KAZN: variants seen among roughly 807,000 people sequenced by gnomAD.
The protein encoded by KAZN is kazrin.
In KAZN, 40 loss-of-function variants were observed where a neutral mutation model predicts 87.4. The ratio of observed to expected loss-of-function variants is 0.46; its 90% CI spans 0.36 to 0.60. The LOEUF (loss-of-function observed/expected upper bound fraction) is 0.60, where lower values mean the gene tolerates loss of function less well. KAZN is among the 20% of genes least tolerant of loss of function. The pLI is 0.00. For synonymous variants in KAZN, 466 were observed against 458.3 expected (o/e 1.02, Z -0.22); for missense variants, 898 against 1,073.9 (o/e 0.84, Z 2.29).
intron 2 of KAZN, among the ~76,000 whole-genome samples, chr1:14,430,442 C>T (rs1241867775): frequency 6.6e-6 from 1 of 152,148 alleles, no homozygotes; most frequent in Non-Finnish European, 1.5e-5. Flanking sequence ...AAGGGTCTGG[C>T]TTTCAGGGTC....
chr1:15,030,329 G>A (rs1047326616), intron 2 of KAZN, among the ~76,000 whole-genome samples: 2 of 152,140 alleles, frequency 1.3e-5, no homozygotes, highest in African/African-American at 4.8e-5. Context: ...GTACAGTGGT[G>A]CAATCTCGGC....
rs187921006 is a variant in KAZN, at chr1:14,309,361, T to G, written c.249+128769T>G. ...CACACAGGATGCTGTTGGGGAATTG[T>G]AGGTAAATGAGATATGGATATTTTT... On this transcript the variant is annotated intron_variant, in intron 2 of 16. Transcript: ENST00000636203. Among the ~76,000 whole-genome samples the G allele has an allele frequency of 3.0e-3, 464 of 152,282 alleles. 3 individuals are homozygous for G. Among genetic ancestry groups the G allele is most frequent in the African/African-American group, 9.8e-3 (408 of 41,556 alleles).
At chr1:14,320,805 G>T (rs1655994604) in intron 2 of KAZN, among the ~76,000 whole-genome samples, 1 of 152,156 alleles carries the variant, frequency 6.6e-6, no homozygotes, top group Non-Finnish European at 1.5e-5. Context: ...ACAAAGTCAT[G>T]CTGATATCAA....
At chr1:15,110,405 GTATT>G (rs1641522255) in intron 13 of KAZN, among the ~76,000 whole-genome samples, 3 of 135,988 alleles carry the variant, frequency 2.2e-5, no homozygotes, top group South Asian at 2.4e-4. Context: ...GTGTGTCTGT[GTATT>G]TGTGTGTGCG....
chr1:14,109,305 A>G (rs1408303849), intron 1 of KAZN, among the ~76,000 whole-genome samples: 1 of 152,194 alleles, frequency 6.6e-6, no homozygotes, highest in Admixed American at 6.5e-5. Flanking sequence ...AGTATTGGCA[A>G]TGATCCATTT....
intron 2 of KAZN, among the ~76,000 whole-genome samples, chr1:15,031,937 A>C (rs1175879240): frequency 6.6e-6 from 1 of 152,082 alleles, no homozygotes; most frequent in Non-Finnish European, 1.5e-5. Flanking sequence ...TAACAGCTTT[A>C]TTGACATGTA....
Position 14,820,052 on chromosome 1 carries a change from T to C in KAZN, c.227-140632T>C, listed in dbSNP as rs1646694006. On this transcript the variant is annotated intron_variant, in intron 1 of 14. Coordinates refer to ENST00000376030, the MANE Select transcript of KAZN (RefSeq NM_201628.3). This position sits in a 1 kb window ranked among gnomAD's most constrained non-coding sequence, Gnocchi z 4.1. ...TATATATATAGTCCACCCTCACCTC[T>C]ATCTAATCTAGTGGTTCTCCAACTT... Among the ~76,000 whole-genome samples, 1 of 152,124 alleles carries C rather than the reference T, an allele frequency of 6.6e-6. No homozygotes were observed. Among genetic ancestry groups the C allele is most frequent in the Non-Finnish European group, 1.5e-5 (1 of 68,030 alleles).
At chr1:14,721,026 T>C (rs545353898) in intron 1 of KAZN, among the ~76,000 whole-genome samples, 1 of 152,298 alleles carries the variant, frequency 6.6e-6, no homozygotes, top group East Asian at 1.9e-4. Context: ...AGGCATTTCT[T>C]CTTGCAAAGA....
chr1:14,280,266 G>A (rs1373087224), intron 2 of KAZN, among the ~76,000 whole-genome samples: 1 of 150,852 alleles, frequency 6.6e-6, no homozygotes, highest in Non-Finnish European at 1.5e-5. Context: ...GGAGGCTGTG[G>A]CAGGAGAATC....
At chr1:14,802,577 A>AAC (rs1305936085) in intron 1 of KAZN, among the ~76,000 whole-genome samples, 3 of 152,112 alleles carry the variant, frequency 2.0e-5, no homozygotes, top group Non-Finnish European at 4.4e-5. Flanking sequence ...CAGCCCCCAT[A>AAC]ACAGAGAAGT....
chr1:14,338,775 T>C (rs1050529932), intron 2 of KAZN, among the ~76,000 whole-genome samples: 4 of 152,182 alleles, frequency 2.6e-5, no homozygotes, highest in Non-Finnish European at 4.4e-5. Context: ...CAATCAGGGA[T>C]TTATCCCATG....
chr1:14,449,601 G>A (rs1047114025), intron 2 of KAZN, among the ~76,000 whole-genome samples: 16 of 152,164 alleles, frequency 1.1e-4, no homozygotes, highest in African/African-American at 3.6e-4. Flanking sequence ...GTAGTATAAA[G>A]CTTTTCACAC....
At chr1:14,317,385 G>C (rs924011127) in intron 2 of KAZN, among the ~76,000 whole-genome samples, 3 of 151,746 alleles carry the variant, frequency 2.0e-5, no homozygotes, top group African/African-American at 7.3e-5. Context: ...ATTTTTACCT[G>C]CCTTTGACTT....
intron 1 of KAZN, among the ~76,000 whole-genome samples, chr1:13,912,569 T>C (rs555885617): frequency 1.3e-5 from 2 of 152,304 alleles, no homozygotes; most frequent in Admixed American, 6.5e-5. Context: ...AAGTGTTGAC[T>C]GAGTTTCTAT....
chr1:14,508,794 T>C (rs1017885093), intron 2 of KAZN, among the ~76,000 whole-genome samples: 2 of 152,198 alleles, frequency 1.3e-5, no homozygotes, highest in Non-Finnish European at 2.9e-5. Flanking sequence ...TCGGCCATAA[T>C]AGTCACCATG....
intron 1 of KAZN, among the ~76,000 whole-genome samples, chr1:14,680,860 G>C (rs576954445): frequency 6.6e-6 from 1 of 152,064 alleles, no homozygotes; most frequent in Non-Finnish European, 1.5e-5. Context: ...CGTGAGACTC[G>C]GTAATTTAGA....
intron 2 of KAZN, among the ~76,000 whole-genome samples, chr1:14,450,874 G>A (rs145964327): frequency 4.1e-4 from 62 of 152,090 alleles, no homozygotes; most frequent in African/African-American, 1.5e-3. Flanking sequence ...GGCCTGGTAG[G>A]AGGTGACTGG....
intron 6 of KAZN, chr1:15,060,540 G>C: frequency 3.5e-6 from 2 of 569,646 alleles, no homozygotes; most frequent in South Asian, 4.2e-5. Flanking sequence ...CAGAGGAAGC[G>C]GGCCTGGGTC....
intron 2 of KAZN, among the ~76,000 whole-genome samples, chr1:14,220,274 C>T (rs76113695): frequency 6.6e-6 from 1 of 152,172 alleles, no homozygotes; most frequent in Non-Finnish European, 1.5e-5. Context: ...CCATCTGTCA[C>T]CACAAAATTG....
Sources: gnomAD v4.1 joint callset for allele counts (sites outside exome capture counted in the v4.1 genomes callset) on GRCh38, gnomAD v4.1.1 for gene constraint, Gnocchi (gnomAD v3.1) non-coding constraint, MANE v1.5 for transcripts, NCBI Gene and HGNC (gene_info 2026-07-23, HGNC 2026-07-21) for gene names.